Variants in TFEC observed in about 807,000 individuals in gnomAD.
The protein encoded by TFEC is class E basic helix-loop-helix protein 34.
A neutral mutation model predicts 41.6 loss-of-function variants in TFEC; 31 were observed. The observed-to-expected ratio is 0.74, with a 90% CI of 0.56 to 1.01. TFEC has a LOEUF of 1.01. Among genes scored for constraint, TFEC ranks in the 50% least tolerant of loss-of-function variants. The pLI, the probability that TFEC is intolerant of heterozygous loss-of-function variation, is 0.00. For missense variants in TFEC, 402 were observed against 404.1 expected, an observed-to-expected ratio of 0.99 and a Z score of 0.04; for synonymous variants, 143 against 140.6, an observed-to-expected ratio of 1.02 and a Z score of -0.12.
At chr7:116,129,586 CTTTTTTT>C (rs932837265) in intron 1 of TFEC, among the ~76,000 whole-genome samples, 114 of 106,890 alleles carry the variant, frequency 1.1e-3, no homozygotes, top group Admixed American at 2.3e-3. Flanking sequence ...AATATTCTTA[CTTTTTTT>C]TTTTTTTTTT....
chr7:116,152,173 C>A (rs1459468249), intron 1 of TFEC, among the ~76,000 whole-genome samples: 1 of 152,090 alleles, frequency 6.6e-6, no homozygotes, highest in Non-Finnish European at 1.5e-5. Context: ...GATAGAAGAA[C>A]AAGGATCATA....
At chr7:116,011,509 T>G (rs574447944) in intron 1 of TFEC, among the ~76,000 whole-genome samples, 1 of 152,170 alleles carries the variant, frequency 6.6e-6, no homozygotes, top group Non-Finnish European at 1.5e-5. Context: ...ATTGAAGAAA[T>G]AGTATGAAGA....
At chr7:116,063,152 CTGAG>C (rs1044009313) in intron 3 of TFEC, among the ~76,000 whole-genome samples, 28 of 152,188 alleles carry the variant, frequency 1.8e-4, no homozygotes, top group African/African-American at 6.5e-4. Flanking sequence ...AATAATTACA[CTGAG>C]TGAGAAAAGC....
chr7:116,107,841 C>A (rs1797756001), intron 3 of TFEC, among the ~76,000 whole-genome samples: 1 of 152,074 alleles, frequency 6.6e-6, no homozygotes, highest in African/African-American at 2.4e-5. Context: ...AATCTCTGAG[C>A]CTTAGTTCAA....
chr7:116,114,198 G>A (rs992458547), intron 1 of TFEC, among the ~76,000 whole-genome samples: 2 of 152,046 alleles, frequency 1.3e-5, no homozygotes, highest in East Asian at 3.9e-4. Context: ...AGTATGATAA[G>A]CTAGAATGAT....
chr7:115,967,609 G>T (rs1792919336), intron 3 of TFEC, among the ~76,000 whole-genome samples: 1 of 151,676 alleles, frequency 6.6e-6, no homozygotes, highest in Non-Finnish European at 1.5e-5. Context: ...GACATGCACT[G>T]AATAGAGAAA....
intron 3 of TFEC, among the ~76,000 whole-genome samples, chr7:116,098,906 G>GGAAA (rs1407984084): frequency 2.4e-4 from 35 of 146,664 alleles, no homozygotes; most frequent in African/African-American, 9.1e-4. Flanking sequence ...AAGGAAGGAA[G>GGAAA]GAAGGAAGGA....
At chr7:116,092,432 G>T (rs1797350297) in intron 3 of TFEC, among the ~76,000 whole-genome samples, 1 of 152,072 alleles carries the variant, frequency 6.6e-6, no homozygotes, top group Non-Finnish European at 1.5e-5. Context: ...CATCTTTCGT[G>T]TATTCCATTA....
Position 116,083,353 on chromosome 7 carries a change from T to TA in TFEC, c.198+27354dup, listed in dbSNP as rs950741300. ...AAACAAAAATAACAAAGCATAAATC[T>TA]AAAAAAAAATTTGTATATTTTGTGC... On this transcript the variant is annotated intron_variant, in intron 3 of 8. Transcript: ENST00000484212. Among the ~76,000 whole-genome samples the TA allele has an allele frequency of 6.1e-4, 93 of 151,222 alleles. 1 individual carries two copies. The highest frequency in any genetic ancestry group is 2.1e-3 in the African/African-American group (85 of 41,336).
At chr7:116,072,607 A>G (rs1291775229) in intron 3 of TFEC, among the ~76,000 whole-genome samples, 1 of 151,652 alleles carries the variant, frequency 6.6e-6, no homozygotes, top group Non-Finnish European at 1.5e-5. Flanking sequence ...CATATTATTT[A>G]AAAGAACGAT....
intron 1 of TFEC, among the ~76,000 whole-genome samples, chr7:116,152,034 G>A (rs1293381331): frequency 6.6e-6 from 1 of 152,072 alleles, no homozygotes; most frequent in Non-Finnish European, 1.5e-5. Context: ...TGAGGGTGCA[G>A]AGTAATACTC....
intron 3 of TFEC, among the ~76,000 whole-genome samples, chr7:116,047,647 G>T (rs867051649): frequency 1.3e-5 from 2 of 152,194 alleles, no homozygotes; most frequent in Admixed American, 6.5e-5. Flanking sequence ...GCTTTGAAGA[G>T]AGTAGTGGTT....
chr7:116,015,987 T>C (rs2222542), intron 1 of TFEC, among the ~76,000 whole-genome samples: 61,361 of 151,898 alleles, frequency 0.4, 13,373 homozygotes, highest in Non-Finnish European at 0.5. Flanking sequence ...GATGAAGAAT[T>C]AGATTTAGAA....
intron 5 of TFEC, among the ~76,000 whole-genome samples, chr7:115,951,349 T>A (rs1456993774): frequency 6.6e-6 from 1 of 152,202 alleles, no homozygotes; most frequent in Non-Finnish European, 1.5e-5. Context: ...TCATATACTG[T>A]CCTCAAAGCC....
intron 1 of TFEC, among the ~76,000 whole-genome samples, chr7:116,139,993 G>A (rs779309901): frequency 2.6e-5 from 4 of 152,182 alleles, no homozygotes; most frequent in African/African-American, 7.2e-5. Context: ...GCAAAAGGGA[G>A]CACCATAGTG....
chr7:116,115,743 C>T lies in TFEC; in HGVS notation c.-68-3705G>A, dbSNP rs181460617. ...TCTGGGGGTTCATTATTCAGCATACCACATCCACTTTAAAAAGAAACATTA... is the reference window on the plus strand; with the variant it reads ...TCTGGGGGTTCATTATTCAGCATACTACATCCACTTTAAAAAGAAACATTA... On this transcript the variant is annotated intron_variant, in intron 1 of 8. Coordinates refer to the TFEC transcript ENST00000484212. Among the ~76,000 whole-genome samples, 40 of 152,004 alleles carry T rather than the reference C, an allele frequency of 2.6e-4. No individual in the cohort carries two copies. The East Asian group carries it at 5.2e-3, about 20-fold the overall frequency.
intron 4 of TFEC, 110 bp downstream of exon 4, chr7:115,956,569 T>C (rs377643774): frequency 1.4e-4 from 77 of 559,450 alleles, no homozygotes; most frequent in Non-Finnish European, 5.3e-5. Context: ...GCCTTCTTTT[T>C]TGTAACTGTT....
At chr7:116,134,407 T>C (rs1261574319) in intron 1 of TFEC, among the ~76,000 whole-genome samples, 2 of 152,116 alleles carry the variant, frequency 1.3e-5, no homozygotes, top group Non-Finnish European at 2.9e-5. Context: ...CAATTACACA[T>C]TGTACACAAA....
intron 3 of TFEC, among the ~76,000 whole-genome samples, chr7:116,060,987 G>T (rs921636940): frequency 6.6e-6 from 1 of 152,072 alleles, no homozygotes; most frequent in Non-Finnish European, 1.5e-5. Context: ...AATATTTGAA[G>T]AGGCATACTG....
Sources: allele counts gnomAD v4.1 joint callset (sites outside exome capture counted in the v4.1 genomes callset), GRCh38; gene constraint gnomAD v4.1.1; transcripts MANE v1.5; gene names NCBI Gene and HGNC (gene_info 2026-07-23, HGNC 2026-07-21).